APBA1: variants seen among roughly 807,000 people sequenced by gnomAD.
The protein encoded by APBA1 is amyloid beta precursor protein binding family A member 1.
Under a neutral mutation model 86.6 loss-of-function variants are expected in APBA1, and 55 were observed. The observed-to-expected ratio is 0.64, with a 90% CI of 0.51 to 0.80. The LOEUF is 0.80. Ranked by LOEUF, APBA1 falls within the 30% of genes least tolerant of loss-of-function variation. The probability of loss-of-function intolerance (pLI) is 0.00; values close to 1 mark genes in which losing one functional copy is unlikely to be tolerated. For synonymous variants in APBA1, 511 were observed against 493.9 expected, an observed-to-expected ratio of 1.03 and a Z score of -0.46; for missense variants, 1,090 against 1,183.0, an observed-to-expected ratio of 0.92 and a Z score of 1.15.
rs538604480 is a variant in APBA1, at chr9:69,435,274, C to T, written c.2302-2598G>A. On this transcript the variant is annotated intron_variant, in intron 11 of 12. Transcript: ENST00000265381. Reference sequence around the variant, plus strand: ...AAACATACGTGTGCATGTGTCTTTGCAGCAGCATGATTTATAGTCCTTTGG... The same window carrying T: ...AAACATACGTGTGCATGTGTCTTTGTAGCAGCATGATTTATAGTCCTTTGG... 1.1e-4 allele frequency among the ~76,000 whole-genome samples: 17 copies of T among 152,190 alleles called. No homozygotes were observed. In the South Asian group the frequency reaches 2.9e-3, roughly 26 times the overall value.
At chr9:69,454,141 A>T (rs1835056926) in intron 8 of APBA1, among the ~76,000 whole-genome samples, 2 of 152,234 alleles carry the variant, frequency 1.3e-5, no homozygotes, top group African/African-American at 4.8e-5. Context: ...AAAGCACCTT[A>T]TTAACAGCAA....
At chr9:69,543,619 TA>T (rs1341067141) in intron 1 of APBA1, among the ~76,000 whole-genome samples, 1 of 152,154 alleles carries the variant, frequency 6.6e-6, no homozygotes, top group Non-Finnish European at 1.5e-5. Context: ...AAATATTATT[TA>T]ACCCTTATAA....
At chr9:69,610,154 C>T (rs1413082496) in intron 1 of APBA1, among the ~76,000 whole-genome samples, 1 of 152,002 alleles carries the variant, frequency 6.6e-6, no homozygotes, top group Admixed American at 6.6e-5. Context: ...TCTGTCTCCA[C>T]AAAAAAATTT....
chr9:69,467,481 T>C (rs1835297404), intron 5 of APBA1, among the ~76,000 whole-genome samples: 1 of 152,202 alleles, frequency 6.6e-6, no homozygotes, highest in East Asian at 1.9e-4. Flanking sequence ...GACCTCCAGC[T>C]GTCAGTGGAA....
At chr9:69,528,583 A>G (rs1262135122) in intron 1 of APBA1, among the ~76,000 whole-genome samples, 2 of 152,090 alleles carry the variant, frequency 1.3e-5, no homozygotes, top group Non-Finnish European at 2.9e-5. Flanking sequence ...CATAATTCAT[A>G]ATTTATTGAA....
chr9:69,474,779 C>T (rs1328725215), intron 3 of APBA1, among the ~76,000 whole-genome samples: 1 of 152,166 alleles, frequency 6.6e-6, no homozygotes, highest in Admixed American at 6.5e-5. Flanking sequence ...ATAAAAAATA[C>T]TTTTCCTTTG....
chr9:69,552,799 T>C (rs1391000463), intron 1 of APBA1, among the ~76,000 whole-genome samples: 1 of 152,122 alleles, frequency 6.6e-6, no homozygotes, highest in African/African-American at 2.4e-5. Flanking sequence ...TTTACAGAAA[T>C]GGAGTTTATA....
intron 2 of APBA1, among the ~76,000 whole-genome samples, chr9:69,476,544 C>T (rs982012767): frequency 2.6e-5 from 4 of 152,054 alleles, no homozygotes; most frequent in African/African-American, 9.7e-5. Context: ...ATTGCCTGCC[C>T]CAAATGAAAA....
Position 69,431,128 on chromosome 9 carries a change from C to G in APBA1, c.*199G>C. 2.2e-6 allele frequency: 1 copy of G among 456,976 alleles called. No individual in the cohort carries two copies. Among genetic ancestry groups the G allele is most frequent in the Non-Finnish European group, 3.8e-6 (1 of 266,014 alleles). 28.3% of individuals were successfully genotyped at this position (456,976 alleles called of 1,614,324 possible). A position where few individuals can be genotyped will look rare whatever the true frequency, so the allele number is the denominator to read the frequency against. On this transcript the variant is annotated 3_prime_UTR_variant, in exon 13 of 13. Coordinates refer to ENST00000265381, the MANE Select transcript of APBA1 (RefSeq NM_001163.4). ...CATCCTCAAGGGAGTGCATACGAAA[C>G]TTCCCTGGTATTGAAAAAAAAAAAA...
intron 1 of APBA1, among the ~76,000 whole-genome samples, chr9:69,585,200 A>C (rs1256195165): frequency 6.6e-6 from 1 of 152,240 alleles, no homozygotes; most frequent in Non-Finnish European, 1.5e-5. Context: ...TGAGAATGCT[A>C]TATCTAATTA....
At chr9:69,532,211 C>T (rs1263348856) in intron 1 of APBA1, among the ~76,000 whole-genome samples, 1 of 151,998 alleles carries the variant, frequency 6.6e-6, no homozygotes, top group Non-Finnish European at 1.5e-5. Flanking sequence ...TCTGTACTTT[C>T]CATTAAATTT....
intron 1 of APBA1, among the ~76,000 whole-genome samples, chr9:69,664,825 C>T (rs1823815558): frequency 6.6e-6 from 1 of 152,128 alleles, no homozygotes. Context: ...CTGAGGGTGG[C>T]CAATAGTTGG....
chr9:69,477,067 T>C (rs1459493775), intron 2 of APBA1, among the ~76,000 whole-genome samples: 1 of 152,170 alleles, frequency 6.6e-6, no homozygotes, highest in African/African-American at 2.4e-5. Context: ...AAAGGAATCC[T>C]CAGGTGAGCC....
At chr9:69,633,958 T>C (rs1430301674) in intron 1 of APBA1, among the ~76,000 whole-genome samples, 2 of 152,168 alleles carry the variant, frequency 1.3e-5, no homozygotes, top group African/African-American at 4.8e-5. Flanking sequence ...ATTCAGTAAA[T>C]GAGAAGAGGA....
chr9:69,465,708 C>T (rs112302564), intron 5 of APBA1, among the ~76,000 whole-genome samples: 4 of 152,320 alleles, frequency 2.6e-5, no homozygotes, highest in East Asian at 1.9e-4. Flanking sequence ...ACTGTCTCCA[C>T]GGAGTTGTCC....
intron 1 of APBA1, among the ~76,000 whole-genome samples, chr9:69,653,989 C>G (rs1823558375): frequency 6.6e-6 from 1 of 151,914 alleles, no homozygotes; most frequent in Non-Finnish European, 1.5e-5. Context: ...TGCCTGCATG[C>G]CTGTAATCCT....
At chr9:69,659,095 T>C (rs1351353125) in intron 1 of APBA1, among the ~76,000 whole-genome samples, 1 of 152,206 alleles carries the variant, frequency 6.6e-6, no homozygotes, top group African/African-American at 2.4e-5. Context: ...ACCCTCTTCT[T>C]GGTGTCTGCT....
At position 69,431,442 on chromosome 9, in the gene APBA1, G is replaced by A. The variant is rs566090090; in HGVS notation, c.2443-44C>T. The A allele has an allele frequency of 6.0e-5, 94 of 1,574,406 alleles. No homozygotes were observed. The South Asian group carries it at 9.7e-4, about 16-fold the overall frequency. ...CTTTAGTGGGGGGCTGAGGCTGGGG[G>A]CTGGCTGCGTGGGCACTGCCCAGGG... On this transcript the variant is annotated intron_variant, in intron 12 of 12. Transcript: ENST00000265381.
chr9:69,516,875 G>A lies in APBA1; in HGVS notation c.336C>T (p.Pro112=), dbSNP rs142271429. 6.9e-6 allele frequency: 11 copies of A among 1,595,296 alleles called. No homozygotes were observed. The African/African-American group carries it at 8.0e-5, about 12-fold the overall frequency. Residue 112 remains proline, a synonymous_variant, in exon 2 of 13, where the codon CCC becomes CCT. Coordinates refer to ENST00000265381, the MANE Select transcript of APBA1 (RefSeq NM_001163.4). The surrounding 1 kb of genome is among the most constrained non-coding windows in gnomAD (Gnocchi z 7.3). ...GCACAGCATAGGCGCTCTCGTCCTC[G>A]GGGTCCTGCGCGCGCTCCGCATCGT... is the stretch of plus-strand genomic sequence containing the variant. ...DGYDAERAQD[P]EDESAYAVQY... is the part of the protein sequence containing the mutation.
Sources: gnomAD v4.1 joint callset for allele counts (sites outside exome capture counted in the v4.1 genomes callset) on GRCh38, gnomAD v4.1.1 for gene constraint, Gnocchi (gnomAD v3.1) non-coding constraint, MANE v1.5 for transcripts, NCBI Gene and HGNC (gene_info 2026-07-23, HGNC 2026-07-21) for gene names.